HID1: variants seen among roughly 807,000 people sequenced by gnomAD.
HID1 encodes HID1 domain containing, also known as protein HID1.
A neutral mutation model predicts 89.7 loss-of-function variants in HID1; 42 were observed. The observed-to-expected ratio is 0.47, with a 90% confidence interval of 0.37 to 0.61. The LOEUF (loss-of-function observed/expected upper bound fraction) is 0.61. HID1 is among the 20% of genes least tolerant of loss of function. HID1 has a pLI of 0.00. For synonymous variants in HID1, 442 were observed against 433.8 expected (o/e 1.02, Z -0.24); for missense variants, 854 against 1,039.3 (o/e 0.82, Z 2.45).
At chr17:74,967,034 T>A (rs1190346376) in intron 1 of HID1, among the ~76,000 whole-genome samples, 1 of 151,782 alleles carries the variant, frequency 6.6e-6, no homozygotes, top group Non-Finnish European at 1.5e-5. Flanking sequence ...AGGTCAGGAG[T>A]TCGAGACCAC....
chr17:74,960,032 A>G lies in HID1; in HGVS notation c.945T>C (p.Asp315=). The change falls in exon 7 of 19, where the codon GAT becomes GAC. Residue 315 remains aspartate (D), a synonymous_variant. Coordinates refer to ENST00000425042, the MANE Select transcript of HID1 (RefSeq NM_030630.3). Reference sequence around the variant, plus strand: ...TCCATGCTCCCATCCTTACATCGGCATCATCCATGGCGGTGCCAGTGGTGG... The same window carrying G: ...TCCATGCTCCCATCCTTACATCGGCGTCATCCATGGCGGTGCCAGTGGTGG... ...DGTTTGTAMD[D]ADPPGPENLF... 6.2e-7 allele frequency: 1 copy of G among 1,613,498 alleles called. No homozygotes were observed. The highest frequency in any genetic ancestry group is 8.5e-7 in the Non-Finnish European group (1 of 1,179,766).
intron 1 of HID1, among the ~76,000 whole-genome samples, chr17:74,969,508 T>A (rs1425529797): frequency 6.6e-6 from 1 of 151,824 alleles, no homozygotes; most frequent in African/African-American, 2.4e-5. Flanking sequence ...TTGAAGGAAG[T>A]GTTTTTGCTG....
Position 74,951,618 on chromosome 17 carries a change from AG to A in HID1, c.2318del (p.Pro773LeufsTer8). On this transcript the variant is annotated frameshift_variant, in exon 19 of 19. Transcript: ENST00000425042. LOFTEE classifies it high-confidence loss of function. ...GCTTCACGTCGGTGTCGTACCAGAC[AG>A]GGGGGTCCACATTCCTGTGGAGGAA... ...GVIYLRNVDP[P>X]VWYDTDVKLF... The A allele has an allele frequency of 6.2e-7, 1 of 1,612,778 alleles. No individual in the cohort carries two copies. The highest frequency in any genetic ancestry group is 8.5e-7 in the Non-Finnish European group (1 of 1,179,528).
Position 74,951,391 on chromosome 17 carries a change from GA to G in HID1, c.*178del. 1 of 627,404 alleles carries G rather than the reference GA, an allele frequency of 1.6e-6. No individual in the cohort carries two copies. The highest frequency in any genetic ancestry group is 2.8e-6 in the Non-Finnish European group (1 of 354,192). The allele number at this position is 627,404 out of a possible 1,614,324, so 38.9% of individuals were successfully genotyped here. A position where few individuals can be genotyped will look rare whatever the true frequency, so the allele number is the denominator to read the frequency against. Reference sequence around the variant, plus strand: ...TGAGTCCAGCCTAGGGGTTGAGGGGGATCTGAGCCAGTTCACATTGTCCTGG... The same window carrying G: ...TGAGTCCAGCCTAGGGGTTGAGGGGGTCTGAGCCAGTTCACATTGTCCTGG... On this transcript the variant is annotated 3_prime_UTR_variant, in exon 19 of 19. Transcript: ENST00000425042.
rs1316822351 is a variant in HID1, at chr17:74,963,031, G to A, written c.438C>T (p.Leu146=). 6.2e-7 allele frequency: 1 copy of A among 1,613,608 alleles called. No homozygotes were observed. The highest frequency in any genetic ancestry group is 8.5e-7 in the Non-Finnish European group (1 of 1,179,720). ...AGAAGAGCAGGTCAGCAATGGCCAG[G>A]AGCAGGGACTCGGCCAGGGGCCTGG... ...EHARPLAESL[L]LAIADLLFCP... Residue 146 remains leucine, a synonymous_variant, in exon 4 of 19, where the codon CTC becomes CTT. Coordinates refer to ENST00000425042, the MANE Select transcript of HID1 (RefSeq NM_030630.3).
intron 1 of HID1, among the ~76,000 whole-genome samples, chr17:74,968,375 G>A (rs2039593726): frequency 6.6e-6 from 1 of 152,116 alleles, no homozygotes; most frequent in Non-Finnish European, 1.5e-5. Context: ...TGGCCACAGA[G>A]CAGGGCTGAG....
In HID1 at chr17:74,972,431, A is replaced by C. The variant is rs2039663322; in HGVS notation, c.66+160T>G. 6.6e-6 allele frequency among the ~76,000 whole-genome samples: 1 copy of C among 152,146 alleles called. No homozygotes were observed. The highest frequency in any genetic ancestry group is 1.5e-5 in the Non-Finnish European group (1 of 68,010). ...ACTAGGGCCAGGGGATGGAGCTTCCAGGTACAGGCCGCGGGGTCCCGTTCC... is the reference window on the plus strand; with the variant it reads ...ACTAGGGCCAGGGGATGGAGCTTCCCGGTACAGGCCGCGGGGTCCCGTTCC... On this transcript the variant is annotated intron_variant, in intron 1 of 18. Transcript: ENST00000425042. The surrounding 1 kb of genome is among the most constrained non-coding windows in gnomAD (Gnocchi z 6.4).
intron 6 of HID1, among the ~76,000 whole-genome samples, chr17:74,960,928 C>T (rs994080583): frequency 2.6e-5 from 4 of 152,186 alleles, no homozygotes; most frequent in Non-Finnish European, 5.9e-5. Context: ...CCACGTGGCA[C>T]GTGTGACACC....
chr17:74,953,385 C>T (rs1049992114), intron 15 of HID1, among the ~76,000 whole-genome samples, 160 bp downstream of exon 15: 4 of 152,174 alleles, frequency 2.6e-5, no homozygotes, highest in African/African-American at 9.7e-5. Flanking sequence ...GCCCCCACCC[C>T]CAAGGGAGTC....
Position 74,972,092 on chromosome 17 carries a change from AGCGAG to A in HID1, c.66+494_66+498del, listed in dbSNP as rs1567967801. On this transcript the variant is annotated intron_variant, in intron 1 of 18. Transcript: ENST00000425042. The surrounding 1 kb of genome is among the most constrained non-coding windows in gnomAD (Gnocchi z 6.4). ...TGCCCACGGGCATCGACCAGGGCCCAGCGAGGCCGCTGCCGCGCACACCAGCTGTT... is the reference window on the plus strand; with the variant it reads ...TGCCCACGGGCATCGACCAGGGCCCAGCCGCTGCCGCGCACACCAGCTGTT... Among the ~76,000 whole-genome samples, 1 of 152,192 alleles carries A rather than the reference AGCGAG, an allele frequency of 6.6e-6. No individual in the cohort carries two copies. The highest frequency in any genetic ancestry group is 2.4e-5 in the African/African-American group (1 of 41,446).
chr17:74,964,760 C>G (rs980462084), intron 1 of HID1, 128 bp from the exon 2 acceptor site: 21 of 943,570 alleles, frequency 2.2e-5, no homozygotes, highest in Non-Finnish European at 3.1e-5. Context: ...GGTCCCAGAG[C>G]CATCCCACAT....
At chr17:74,969,346 C>T (rs1266208146) in intron 1 of HID1, among the ~76,000 whole-genome samples, 3 of 152,072 alleles carry the variant, frequency 2.0e-5, no homozygotes, top group South Asian at 2.1e-4. Context: ...CCACGACGCC[C>T]GGCTAATTTT....
Sources: gnomAD v4.1 joint callset for allele counts (sites outside exome capture counted in the v4.1 genomes callset) on GRCh38, gnomAD v4.1.1 for gene constraint, Gnocchi (gnomAD v3.1) non-coding constraint, MANE v1.5 for transcripts, NCBI Gene and HGNC (gene_info 2026-07-23, HGNC 2026-07-21) for gene names.